Variants in TAB2 observed in about 807,000 individuals in gnomAD.
The protein encoded by TAB2 is TGF-beta activated kinase 1 (MAP3K7) binding protein 2.
TAB2 carries 3 observed loss-of-function variants against 65.0 expected under a neutral mutation model. The observed-to-expected ratio is 0.05, with a 90% CI of 0.02 to 0.12. The LOEUF is 0.12. Ranked by LOEUF, TAB2 falls within the 10% of genes least tolerant of loss-of-function variation. TAB2 has a pLI of 1.00. For synonymous variants in TAB2, 298 were observed against 285.1 expected (o/e 1.05, Z -0.46); for missense variants, 623 against 840.3 (o/e 0.74, Z 3.20).
chr6:149,318,273 C>CGGG (rs3056974), intron 1 of TAB2, among the ~76,000 whole-genome samples: 19 of 146,074 alleles, frequency 1.3e-4, no homozygotes, highest in South Asian at 2.2e-4. Context: ...GGCGTCCGTG[C>CGGG]GGGGGGGGAG....
At chr6:149,257,306 A>G (rs1188137553) in intron 1 of TAB2, 1 of 152,204 alleles carries the variant, frequency 6.6e-6, no homozygotes, top group Non-Finnish European at 1.5e-5. Flanking sequence ...TGAATTTTTC[A>G]CATTTCTACC....
At chr6:149,342,644 GCC>G (rs1780166438) in intron 1 of TAB2, 1 of 152,066 alleles carries the variant, frequency 6.6e-6, no homozygotes, top group Non-Finnish European at 1.5e-5. Flanking sequence ...TTCTTGTTCT[GCC>G]TACCTCTAGT....
intron 1 of TAB2, among the ~76,000 whole-genome samples, chr6:149,249,582 C>G (rs1320890905): frequency 6.6e-6 from 1 of 151,948 alleles, no homozygotes; most frequent in African/African-American, 2.4e-5. Flanking sequence ...CTCTCTGTCT[C>G]TGTCTCCCTC....
intron 5 of TAB2, 36 bp from the exon 6 acceptor site, chr6:149,399,068 A>G (rs1026855716): frequency 1.3e-6 from 2 of 1,528,802 alleles, no homozygotes; most frequent in Non-Finnish European, 1.8e-6. Flanking sequence ...TTTTTGAGCT[A>G]TAAGCATTGA....
intron 3 of TAB2, among the ~76,000 whole-genome samples, chr6:149,385,440 CTGCT>C (rs1781759233): frequency 1.3e-5 from 2 of 152,286 alleles, no homozygotes; most frequent in South Asian, 4.1e-4. Flanking sequence ...GGCAGGAAGA[CTGCT>C]TGAGTGCAGG....
intron 1 of TAB2, among the ~76,000 whole-genome samples, chr6:149,346,094 A>G (rs1363234918): frequency 6.6e-6 from 1 of 152,174 alleles, no homozygotes; most frequent in Non-Finnish European, 1.5e-5. Context: ...GCTTTAATTC[A>G]TATAGCTGGA....
intron 1 of TAB2, among the ~76,000 whole-genome samples, chr6:149,252,262 A>G (rs996023158): frequency 6.6e-6 from 1 of 152,176 alleles, no homozygotes; most frequent in East Asian, 1.9e-4. Flanking sequence ...AAAATTAGCC[A>G]GGCATAGTGG....
chr6:149,291,473 T>C (rs1778776594), intron 1 of TAB2: 1 of 152,266 alleles, frequency 6.6e-6, no homozygotes, highest in South Asian at 2.1e-4. Context: ...TGCACTAAGT[T>C]TGGCATCCAT....
At chr6:149,405,421 T>C (rs1782630821) in intron 6 of TAB2, among the ~76,000 whole-genome samples, 1 of 152,226 alleles carries the variant, frequency 6.6e-6, no homozygotes, top group Admixed American at 6.5e-5. Context: ...CCAAAGGAAA[T>C]GCAGTAAGTA....
chr6:149,388,372 C>T (rs904935502), intron 3 of TAB2, among the ~76,000 whole-genome samples: 1 of 152,188 alleles, frequency 6.6e-6, no homozygotes, highest in Admixed American at 6.5e-5. Context: ...CACAGTTCTA[C>T]CACATACCTG....
chr6:149,352,235 C>T (rs554443627), intron 1 of TAB2, among the ~76,000 whole-genome samples: 2 of 152,096 alleles, frequency 1.3e-5, no homozygotes, highest in Non-Finnish European at 2.9e-5. Context: ...CAGAAATTTA[C>T]CTGCCCAAAA....
At position 149,272,997 on chromosome 6, in the gene TAB2, T is replaced by C. The variant is rs554889331; in HGVS notation, c.-121+54221T>C. Among the ~76,000 whole-genome samples the C allele has an allele frequency of 2.0e-5, 3 of 152,170 alleles. No individual in the cohort carries two copies. The South Asian group carries it at 6.2e-4, about 32-fold the overall frequency. On this transcript the variant is annotated intron_variant, in intron 1 of 1. Transcript: ENST00000606202. ...TATCATTTGAGGTGAAAGAGTTTCATCCAGAAACCATCACCCCCACCCCCT... is the reference window on the plus strand; with the variant it reads ...TATCATTTGAGGTGAAAGAGTTTCACCCAGAAACCATCACCCCCACCCCCT...
At chr6:149,352,999 T>G (rs1262473292) in intron 1 of TAB2, among the ~76,000 whole-genome samples, 14 of 152,204 alleles carry the variant, frequency 9.2e-5, no homozygotes. Flanking sequence ...ACACTCAACT[T>G]TGTTTGCTCT....
At chr6:149,345,901 G>A (rs1165930602) in intron 1 of TAB2, among the ~76,000 whole-genome samples, 1 of 151,774 alleles carries the variant, frequency 6.6e-6, no homozygotes, top group African/African-American at 2.4e-5. Flanking sequence ...ATAATTATTT[G>A]GACATCATAT....
chr6:149,305,426 G>T (rs1238697263), intron 1 of TAB2, among the ~76,000 whole-genome samples: 1 of 151,898 alleles, frequency 6.6e-6, no homozygotes, highest in Admixed American at 6.6e-5. Context: ...TTTTCAAAGG[G>T]CCCTGTCCAA....
intron 1 of TAB2, among the ~76,000 whole-genome samples, chr6:149,291,129 T>A (rs1778768985): frequency 1.3e-5 from 2 of 152,238 alleles, no homozygotes; most frequent in African/African-American, 4.8e-5. Context: ...CCTGAGTTCC[T>A]GCTTTAGGCA....
chr6:149,410,440 T>C lies in TAB2; in HGVS notation c.*721T>C, dbSNP rs1425365051. 6.6e-6 allele frequency: 1 copy of C among 152,662 alleles called. No individual in the cohort carries two copies. The highest frequency in any genetic ancestry group is 1.5e-5 in the Non-Finnish European group (1 of 68,036). The allele number at this position is 152,662 out of a possible 1,614,324, so 9.5% of individuals were successfully genotyped here. ...TTTCTATATGTATAGTGTAATAGCC[T>C]TTTGTTAACTAATTTTCTTTTTTCC... On this transcript the variant is annotated 3_prime_UTR_variant, in exon 7 of 7. Coordinates refer to ENST00000637181, the MANE Select transcript of TAB2 (RefSeq NM_001292034.3).
chr6:149,383,676 G>A (rs145926256), intron 3 of TAB2, among the ~76,000 whole-genome samples: 140 of 152,246 alleles, frequency 9.2e-4, no homozygotes, highest in African/African-American at 3.1e-3. Context: ...TTCACCTCCC[G>A]GATTCAAGCA....
At chr6:149,400,172 T>C (rs1327076579) in intron 6 of TAB2, 14 of 573,768 alleles carry the variant, frequency 2.4e-5, no homozygotes, top group Non-Finnish European at 4.0e-5. Flanking sequence ...GTTGTATGAA[T>C]GGATTTTAAA....
Sources: allele counts gnomAD v4.1 joint callset (sites outside exome capture counted in the v4.1 genomes callset), GRCh38; gene constraint gnomAD v4.1.1; transcripts MANE v1.5; gene names NCBI Gene and HGNC (gene_info 2026-07-23, HGNC 2026-07-21).